Variants in ZBED4 observed in about 807,000 individuals in gnomAD.
The protein encoded by ZBED4 is zinc finger BED-type containing 4.
In ZBED4, 4 loss-of-function variants were observed where a neutral mutation model predicts 15.5. That is an observed-to-expected ratio of 0.26 (90% confidence interval 0.13 to 0.59). ZBED4 has a LOEUF of 0.59. Among genes scored for constraint, ZBED4 ranks in the 20% least tolerant of loss-of-function variants. The pLI is 0.90. For missense variants in ZBED4, 1,323 were observed against 1,461.8 expected, an observed-to-expected ratio of 0.91 and a Z score of 1.55; for synonymous variants, 692 against 608.5, an observed-to-expected ratio of 1.14 and a Z score of -2.02.
At chr22:49,864,911 T>C (rs1168096575) in intron 1 of ZBED4, among the ~76,000 whole-genome samples, 1 of 140,186 alleles carries the variant, frequency 7.1e-6, no homozygotes, top group Non-Finnish European at 1.5e-5. Flanking sequence ...TGCTCCTTGA[T>C]TGACCATGGG....
At chr22:49,853,517 A>C (rs2060260057), upstream of ZBED4, among the ~76,000 whole-genome samples, 1 of 152,044 alleles carries the variant, frequency 6.6e-6, no homozygotes, top group Non-Finnish European at 1.5e-5. Context: ...GCCAACTGCC[A>C]AGCCACGGGA....
Position 49,883,643 on chromosome 22 carries a change from C to T in ZBED4, c.-20C>T, listed in dbSNP as rs750178117. ...GTGTTTTATGAACCTAAGATACAGC[C>T]GGAGTAGTTATGGTCAGTCATGGAG... On this transcript the variant is annotated 5_prime_UTR_variant, in exon 2 of 2. Coordinates refer to ENST00000216268, the MANE Select transcript of ZBED4 (RefSeq NM_014838.3). 26 of 1,525,032 alleles carry T rather than the reference C, an allele frequency of 1.7e-5. No individual in the cohort carries two copies. Among genetic ancestry groups the T allele is most frequent in the African/African-American group, 6.9e-5 (5 of 72,500 alleles). 94.5% of individuals were successfully genotyped at this position (1,525,032 alleles called of 1,614,324 possible). A position where few individuals can be genotyped will look rare whatever the true frequency, so the allele number is the denominator to read the frequency against.
chr22:49,854,860 CCATT>C (rs2060268185), intron 1 of ZBED4, among the ~76,000 whole-genome samples: 1 of 152,220 alleles, frequency 6.6e-6, no homozygotes, highest in Admixed American at 6.5e-5. Context: ...TTTTAGAAAT[CCATT>C]CAGACCTCAT....
At position 49,883,609 on chromosome 22, in the gene ZBED4, C is replaced by T. The variant is rs2147545657; in HGVS notation, c.-54C>T. 3 of 1,472,890 alleles carry T rather than the reference C, an allele frequency of 2.0e-6. No homozygotes were observed. In the South Asian group the frequency reaches 4.6e-5, roughly 23 times the overall value. The allele number at this position is 1,472,890 out of a possible 1,614,324, so 91.2% of individuals were successfully genotyped here. On this transcript the variant is annotated 5_prime_UTR_variant, in exon 2 of 2. Coordinates refer to ENST00000216268, the MANE Select transcript of ZBED4 (RefSeq NM_014838.3). ...CTACATTCGGGGGCACAAATGAGCA[C>T]TTGGATCAGTGTTTTATGAACCTAA...
chr22:49,870,598 C>T (rs977051898), intron 1 of ZBED4, among the ~76,000 whole-genome samples: 2 of 152,006 alleles, frequency 1.3e-5, no homozygotes, highest in Non-Finnish European at 2.9e-5. Context: ...CATTTTTTCA[C>T]GTCTGTTGGC....
intron 1 of ZBED4, among the ~76,000 whole-genome samples, chr22:49,861,730 GC>G (rs1042278888): frequency 6.6e-6 from 1 of 152,136 alleles, no homozygotes; most frequent in Admixed American, 6.5e-5. Context: ...AGCTGCCGTG[GC>G]TGGCCCCTGC....
In ZBED4 at chr22:49,885,230, C is replaced by G; in HGVS notation, c.1568C>G (p.Ser523Cys). Reference sequence around the variant, plus strand: ...TTCCTGGGTGCAAGTCTGGCAAACTCTCCGTATGCCACTTTGGCCTCTGCA... The same window carrying G: ...TTCCTGGGTGCAAGTCTGGCAAACTGTCCGTATGCCACTTTGGCCTCTGCA... Reference protein sequence around the residue: ...KGFLGASLANSPYATLASAES... With the variant: ...KGFLGASLANCPYATLASAES... The change falls in exon 2 of 2, where the codon TCT (serine) becomes TGT (cysteine). Residue 523 changes from serine to cysteine, a missense_variant. By Grantham distance (112) the Ser-to-Cys change is moderately radical. Around this residue, in one of 6 missense-constraint regions of ZBED4, gnomAD observed 429 missense variants for 397.9 expected, o/e 1.08. Coordinates refer to ENST00000216268, the MANE Select transcript of ZBED4 (RefSeq NM_014838.3). 1 of 1,611,916 alleles carries G rather than the reference C, an allele frequency of 6.2e-7. No individual in the cohort carries two copies. Among genetic ancestry groups the G allele is most frequent in the Middle Eastern group, 1.7e-4 (1 of 6,050 alleles).
In ZBED4 at chr22:49,883,812, GCAGA is replaced by G; in HGVS notation, c.158_161del (p.Asp53AlafsTer49). On this transcript the variant is annotated frameshift_variant, in exon 2 of 2. Coordinates refer to ENST00000216268, the MANE Select transcript of ZBED4 (RefSeq NM_014838.3). LOFTEE classifies it low-confidence loss of function (END_TRUNC). Reference sequence around the variant, plus strand: ...TTAAAAGCGAGCAGGAGGACATGAAGCAGACAGACAGCGGTGGGGAGCGAGCGGG... The same window carrying G: ...TTAAAAGCGAGCAGGAGGACATGAAGCAGACAGCGGTGGGGAGCGAGCGGG... The G allele has an allele frequency of 2.5e-6, 4 of 1,613,320 alleles. No homozygotes were observed. The highest frequency in any genetic ancestry group is 1.1e-5 in the South Asian group (1 of 91,068).
chr22:49,881,279 G>A (rs574853920), intron 1 of ZBED4, among the ~76,000 whole-genome samples: 1 of 152,266 alleles, frequency 6.6e-6, no homozygotes, highest in Non-Finnish European at 1.5e-5. Context: ...AACCCAGGAA[G>A]CGGAGGTTGC....
intron 1 of ZBED4, among the ~76,000 whole-genome samples, chr22:49,881,771 G>A (rs573825163): frequency 7.2e-5 from 11 of 152,026 alleles, no homozygotes; most frequent in African/African-American, 2.7e-4. Flanking sequence ...GGTTTCAAGC[G>A]ATCCTCCCAC....
intron 1 of ZBED4, among the ~76,000 whole-genome samples, chr22:49,868,565 C>T (rs1044690968): frequency 5.9e-5 from 9 of 151,992 alleles, no homozygotes; most frequent in South Asian, 2.1e-4. Flanking sequence ...GGCAACAGAG[C>T]GAGACTGTCT....
intron 1 of ZBED4, among the ~76,000 whole-genome samples, chr22:49,862,629 CT>C (rs2060302195): frequency 6.6e-6 from 1 of 151,202 alleles, no homozygotes; most frequent in Non-Finnish European, 1.5e-5. Context: ...GTTACAGCAG[CT>C]ACTTCCTTAT....
intron 1 of ZBED4, among the ~76,000 whole-genome samples, chr22:49,865,307 C>G (rs1204685344): frequency 6.6e-6 from 1 of 152,100 alleles, no homozygotes; most frequent in Non-Finnish European, 1.5e-5. Flanking sequence ...GTGCGCTGCT[C>G]TTTGCCGAGT....
At chr22:49,868,174 TTTG>T (rs755151041) in intron 1 of ZBED4, among the ~76,000 whole-genome samples, 12 of 152,388 alleles carry the variant, frequency 7.9e-5, no homozygotes, top group African/African-American at 1.9e-4. Flanking sequence ...AGTCTTCTTT[TTTG>T]TTGTTGTTGA....
chr22:49,880,203 C>A (rs2060401554), intron 1 of ZBED4, among the ~76,000 whole-genome samples: 1 of 152,110 alleles, frequency 6.6e-6, no homozygotes, highest in Non-Finnish European at 1.5e-5. Flanking sequence ...GCCCACTGTT[C>A]AGTCCGGACC....
At chr22:49,871,335 A>G (rs570391753) in intron 1 of ZBED4, among the ~76,000 whole-genome samples, 1 of 152,104 alleles carries the variant, frequency 6.6e-6, no homozygotes, top group East Asian at 2.0e-4. Flanking sequence ...AAAAATACAA[A>G]ATTAGCTGGG....
chr22:49,874,310 A>G (rs1014269346), intron 1 of ZBED4, among the ~76,000 whole-genome samples: 28 of 152,152 alleles, frequency 1.8e-4, no homozygotes, highest in Non-Finnish European at 3.1e-4. Flanking sequence ...GAATAGAGGT[A>G]GAAGTGTTGG....
chr22:49,886,757 A>T lies in ZBED4; in HGVS notation c.3095A>T (p.Glu1032Val). 6.2e-7 allele frequency: 1 copy of T among 1,612,614 alleles called. No individual in the cohort carries two copies. The highest frequency in any genetic ancestry group is 8.5e-7 in the Non-Finnish European group (1 of 1,179,390). ...CAGTACAAACAGGATTTAATCAGGG[A>T]ACTCGAACTCATGAATTCTACCTCA... ...AEQYKQDLIRELELMNSTSED... is the reference protein window; with the variant it reads ...AEQYKQDLIRVLELMNSTSED... The change falls in exon 2 of 2, where the codon GAA becomes GTA. Residue 1032 changes from glutamate (E) to valine (V), a missense_variant. By Grantham distance (121) the Glu-to-Val change is moderately radical. Around this residue, in one of 6 missense-constraint regions of ZBED4, gnomAD observed 312 missense variants for 410.7 expected, o/e 0.76. Coordinates refer to ENST00000216268, the MANE Select transcript of ZBED4 (RefSeq NM_014838.3). This position sits in a 1 kb window ranked among gnomAD's most constrained non-coding sequence, Gnocchi z 7.7.
chr22:49,874,170 A>G (rs1297869758), intron 1 of ZBED4, among the ~76,000 whole-genome samples: 1 of 152,188 alleles, frequency 6.6e-6, no homozygotes, highest in Non-Finnish European at 1.5e-5. Flanking sequence ...AGTGCTGTAT[A>G]GAATATGCCG....
Sources: allele counts gnomAD v4.1 joint callset (sites outside exome capture counted in the v4.1 genomes callset), GRCh38; gene constraint gnomAD v4.1.1; regional missense constraint gnomAD v4.1.1; non-coding constraint Gnocchi (gnomAD v3.1); transcripts MANE v1.5; gene names NCBI Gene and HGNC (gene_info 2026-07-23, HGNC 2026-07-21).